The following BTRC variants were observed in gnomAD, a reference collection of about 807,000 sequenced individuals.
BTRC encodes the protein beta-transducin repeat containing E3 ubiquitin protein ligase.
A neutral mutation model predicts 85.5 loss-of-function variants in BTRC; 42 were observed. That is an observed-to-expected ratio of 0.49 (90% CI 0.38 to 0.64). BTRC has a LOEUF of 0.64. Among genes scored for constraint, BTRC ranks in the 30% least tolerant of loss-of-function variants. The pLI is 0.00. For synonymous variants in BTRC, 255 were observed against 263.3 expected (o/e 0.97, Z 0.30); for missense variants, 594 against 743.5 (o/e 0.80, Z 2.34).
At chr10:101,467,343 T>C (rs1234093203) in intron 3 of BTRC, among the ~76,000 whole-genome samples, 5 of 133,256 alleles carry the variant, frequency 3.8e-5, no homozygotes, top group African/African-American at 1.0e-4. Context: ...TTTTTTTTTT[T>C]TTCTCTCTAT....
chr10:101,418,011 T>A (rs1416311647), intron 1 of BTRC, among the ~76,000 whole-genome samples: 1 of 152,198 alleles, frequency 6.6e-6, no homozygotes, highest in Non-Finnish European at 1.5e-5. Flanking sequence ...ATTCAGTGGC[T>A]TATTTTATTA....
At chr10:101,500,075 TTCTTG>T (rs1564809464) in intron 4 of BTRC, among the ~76,000 whole-genome samples, 2 of 147,194 alleles carry the variant, frequency 1.4e-5, no homozygotes, top group South Asian at 5.0e-4. Context: ...TTGCAGACTT[TTCTTG>T]TGGCCCTACT....
chr10:101,364,239 C>T (rs1292985367), intron 1 of BTRC, among the ~76,000 whole-genome samples: 1 of 152,154 alleles, frequency 6.6e-6, no homozygotes, highest in African/African-American at 2.4e-5. Flanking sequence ...TGATTGGATA[C>T]TCCTAGAATC....
chr10:101,470,373 C>T (rs1161759579), intron 3 of BTRC, among the ~76,000 whole-genome samples: 5 of 148,278 alleles, frequency 3.4e-5, no homozygotes, highest in African/African-American at 7.5e-5. Context: ...CGCTGTGTCG[C>T]CCAGGCTGGA....
At chr10:101,388,761 G>C (rs1422354101) in intron 1 of BTRC, among the ~76,000 whole-genome samples, 4 of 152,218 alleles carry the variant, frequency 2.6e-5, no homozygotes, top group Non-Finnish European at 4.4e-5. Flanking sequence ...AAAGTGCTGG[G>C]ATTACAGGCA....
intron 1 of BTRC, among the ~76,000 whole-genome samples, chr10:101,386,805 T>A (rs1341942015): frequency 6.6e-6 from 1 of 152,124 alleles, no homozygotes; most frequent in Non-Finnish European, 1.5e-5. Context: ...TGGTGGGGGG[T>A]GTTTTTAATT....
chr10:101,544,407 G>GT (rs35751151), intron 13 of BTRC, among the ~76,000 whole-genome samples: 244 of 135,344 alleles, frequency 1.8e-3, no homozygotes, highest in Middle Eastern at 3.8e-3. Context: ...ACTTGGGAAA[G>GT]TTTTTTTTTT....
chr10:101,370,613 C>T (rs76477881), intron 1 of BTRC, among the ~76,000 whole-genome samples: 253 of 151,190 alleles, frequency 1.7e-3, no homozygotes, highest in African/African-American at 3.5e-3. Context: ...CCTTCCCTCC[C>T]TCCCTCCCTC....
intron 2 of BTRC, among the ~76,000 whole-genome samples, chr10:101,436,668 A>AGATAGATT (rs541330195): frequency 5.5e-4 from 83 of 151,642 alleles, no homozygotes; most frequent in African/African-American, 1.7e-3. Context: ...ATAGATAGAT[A>AGATAGATT]GATTTATATG....
chr10:101,512,996 C>T (rs548272666), intron 4 of BTRC, among the ~76,000 whole-genome samples: 1 of 152,318 alleles, frequency 6.6e-6, no homozygotes, highest in South Asian at 2.1e-4. Context: ...ATCAATTCTA[C>T]TGCAACCAGT....
At chr10:101,528,767 C>T (rs1214112975) in intron 6 of BTRC, among the ~76,000 whole-genome samples, 3 of 152,146 alleles carry the variant, frequency 2.0e-5, no homozygotes, top group African/African-American at 7.2e-5. Flanking sequence ...AAGCCTAATA[C>T]GTCAATAAAG....
intron 4 of BTRC, among the ~76,000 whole-genome samples, chr10:101,482,145 G>C (rs559456822): frequency 6.6e-6 from 1 of 151,736 alleles, no homozygotes; most frequent in African/African-American, 2.4e-5. Flanking sequence ...TCAGCCTCCC[G>C]AGTGGCTGGG....
In BTRC at chr10:101,556,094, T is replaced by C. The variant is rs2062720636; in HGVS notation, c.*2971T>C. ...CCTAACTTCAGAGACAGGGACTCTT[T>C]TTGGATCTCTATTGACAAGTAATAA... On this transcript the variant is annotated 3_prime_UTR_variant, in exon 15 of 15. Coordinates refer to ENST00000370187, the MANE Select transcript of BTRC (RefSeq NM_033637.4). 6.6e-6 allele frequency: 1 copy of C among 152,202 alleles called. No individual in the cohort carries two copies. Among genetic ancestry groups the C allele is most frequent in the African/African-American group, 2.4e-5 (1 of 41,446 alleles). 9.4% of individuals were successfully genotyped at this position (152,202 alleles called of 1,614,324 possible).
intron 2 of BTRC, among the ~76,000 whole-genome samples, chr10:101,456,467 G>A (rs1176433836): frequency 6.6e-6 from 1 of 152,204 alleles, no homozygotes; most frequent in Non-Finnish European, 1.5e-5. Context: ...GAAAAGTTGG[G>A]AGGAAAAGAG....
rs145807351 is a variant in BTRC at position 101,460,330 on chromosome 10, C to G, written c.157-1651C>G. 2.0e-5 allele frequency among the ~76,000 whole-genome samples: 3 copies of G among 152,048 alleles called. No homozygotes were observed. In the South Asian group the frequency reaches 6.2e-4, roughly 32 times the overall value. ...CTCTTACATAGCATGTATTGCCAGT[C>G]GCCTCATTTGTCAAGCTTTGTAGTC... is the stretch of plus-strand genomic sequence containing the variant. On this transcript the variant is annotated intron_variant, in intron 2 of 14. Transcript: ENST00000370187.
At chr10:101,395,986 T>C (rs905979135) in intron 1 of BTRC, among the ~76,000 whole-genome samples, 3 of 152,002 alleles carry the variant, frequency 2.0e-5, no homozygotes, top group Non-Finnish European at 2.9e-5. Context: ...TGTATTTTTG[T>C]TTTTTGCCTC....
At chr10:101,368,669 T>G (rs541346358) in intron 1 of BTRC, among the ~76,000 whole-genome samples, 2 of 152,122 alleles carry the variant, frequency 1.3e-5, no homozygotes, top group South Asian at 4.1e-4. Flanking sequence ...TATACTTTCT[T>G]TAGCAGTGTA....
At chr10:101,477,711 G>T (rs916172518) in intron 3 of BTRC, among the ~76,000 whole-genome samples, 3 of 151,948 alleles carry the variant, frequency 2.0e-5, no homozygotes, top group Non-Finnish European at 4.4e-5. Flanking sequence ...GTGCAGTGGC[G>T]TGATCTCAGC....
rs1564730155 is a variant in BTRC at position 101,366,899 on chromosome 10, TATATATATTA to T, written c.48+12681_48+12690del. ...ATATTTATATATATTTATATATATT[TATATATATTA>T]ATATATATTTATATATATTTATATA... is the stretch of plus-strand genomic sequence containing the variant. On this transcript the variant is annotated intron_variant, in intron 1 of 14. Coordinates refer to ENST00000370187, the MANE Select transcript of BTRC (RefSeq NM_033637.4). 3.6e-3 allele frequency among the ~76,000 whole-genome samples: 92 copies of T among 25,600 alleles called. 6 individuals carry two copies. The highest frequency in any genetic ancestry group is 0.02 in the Middle Eastern group (1 of 50). The allele number at this position is 25,600 out of a possible 152,430, so 16.8% of individuals were successfully genotyped here.
Sources: allele counts gnomAD v4.1 joint callset (sites outside exome capture counted in the v4.1 genomes callset), GRCh38; gene constraint gnomAD v4.1.1; transcripts MANE v1.5; gene names NCBI Gene and HGNC (gene_info 2026-07-23, HGNC 2026-07-21).